Variants in KPNA3 observed in about 807,000 individuals in gnomAD.
KPNA3 encodes importin subunit alpha-4.
In KPNA3, 13 loss-of-function variants were observed where a neutral mutation model predicts 73.8. That is an observed-to-expected ratio of 0.18 (90% confidence interval 0.11 to 0.28). KPNA3 has a LOEUF of 0.28. Ranked by LOEUF, KPNA3 falls within the 10% of genes least tolerant of loss-of-function variation. The pLI is 1.00. For missense variants in KPNA3, 360 were observed against 618.1 expected, an observed-to-expected ratio of 0.58 and a Z score of 4.43; for synonymous variants, 186 against 206.9, an observed-to-expected ratio of 0.90 and a Z score of 0.87.
intron 2 of KPNA3, among the ~76,000 whole-genome samples, chr13:49,742,337 C>T (rs1179541848): frequency 1.3e-5 from 2 of 151,522 alleles, no homozygotes; most frequent in Non-Finnish European, 2.9e-5. Context: ...TACTATGGTT[C>T]GATTTCTGAA....
intron 12 of KPNA3, among the ~76,000 whole-genome samples, chr13:49,707,020 A>G (rs1336831790): frequency 6.6e-6 from 1 of 152,204 alleles, no homozygotes; most frequent in Non-Finnish European, 1.5e-5. Context: ...AAGTGCTGAG[A>G]TTACAGGCAT....
intron 1 of KPNA3, among the ~76,000 whole-genome samples, chr13:49,749,269 A>G (rs1954642661): frequency 6.6e-6 from 1 of 152,230 alleles, no homozygotes; most frequent in Admixed American, 6.5e-5. Context: ...AAACACCCCT[A>G]AACAGGAGTT....
At chr13:49,762,241 G>A (rs1177112002) in intron 1 of KPNA3, among the ~76,000 whole-genome samples, 1 of 150,228 alleles carries the variant, frequency 6.7e-6, no homozygotes. Flanking sequence ...GTCGCGGAGG[G>A]AGGAGGGGGG....
chr13:49,761,278 T>G lies in KPNA3; in HGVS notation c.70-14285A>C, dbSNP rs977726467. Among the ~76,000 whole-genome samples, 3 of 151,990 alleles carry G rather than the reference T, an allele frequency of 2.0e-5. No individual in the cohort carries two copies. The East Asian group carries it at 5.8e-4, about 29-fold the overall frequency. On this transcript the variant is annotated intron_variant, in intron 1 of 16. Transcript: ENST00000261667. ...CCTCTCCCTCTCCCCACGGTCTCCC[T>G]CTAATGGCGAGCCGAAGCTGGACTG... is the stretch of plus-strand genomic sequence containing the variant.
intron 1 of KPNA3, among the ~76,000 whole-genome samples, chr13:49,781,556 C>T (rs1594463862): frequency 6.6e-6 from 1 of 152,312 alleles, no homozygotes; most frequent in East Asian, 1.9e-4. Context: ...TTTTATCCCT[C>T]ACACTCAGTA....
chr13:49,717,384 C>T (rs9568312), intron 10 of KPNA3, among the ~76,000 whole-genome samples: 46,849 of 147,202 alleles, frequency 0.32, 7,608 homozygotes, highest in Middle Eastern at 0.38. Context: ...GAGCCTAGAT[C>T]GCGCCACTGC....
In KPNA3 at chr13:49,701,659, G is replaced by A. The variant is rs962208047; in HGVS notation, c.*141C>T. ...GACTTTTGGCAACTGCAAAGTGACT[G>A]AGACATGGCTTGCTTTAGAAGCATC... On this transcript the variant is annotated 3_prime_UTR_variant, in exon 17 of 17. Transcript: ENST00000261667. The A allele has an allele frequency of 1.3e-6, 1 of 770,294 alleles. No individual in the cohort carries two copies. The highest frequency in any genetic ancestry group is 2.4e-6 in the Non-Finnish European group (1 of 413,900). 47.7% of individuals were successfully genotyped at this position (770,294 alleles called of 1,614,324 possible).
At chr13:49,745,382 C>CA (rs1330172332) in intron 2 of KPNA3, among the ~76,000 whole-genome samples, 3 of 148,266 alleles carry the variant, frequency 2.0e-5, no homozygotes, top group African/African-American at 7.4e-5. Context: ...TTTTTTGAGA[C>CA]AGAGTCTCGC....
At chr13:49,788,497 A>G (rs958102200) in intron 1 of KPNA3, among the ~76,000 whole-genome samples, 1 of 152,142 alleles carries the variant, frequency 6.6e-6, no homozygotes, top group African/African-American at 2.4e-5. Context: ...AGGCAGGAGG[A>G]TAACTTGAGC....
At chr13:49,737,185 G>A (rs1332096548) in intron 2 of KPNA3, among the ~76,000 whole-genome samples, 1 of 152,158 alleles carries the variant, frequency 6.6e-6, no homozygotes, top group African/African-American at 2.4e-5. Context: ...GATTTCATAT[G>A]AATACAAATC....
intron 16 of KPNA3, 119 bp from the exon 17 acceptor site, chr13:49,702,017 A>T (rs1237081597): frequency 1.6e-6 from 1 of 643,378 alleles, no homozygotes; most frequent in African/African-American, 1.9e-5. Context: ...ACCAACTAAA[A>T]ATATTCGAGT....
intron 1 of KPNA3, among the ~76,000 whole-genome samples, chr13:49,783,561 G>T (rs1954957811): frequency 6.6e-6 from 1 of 152,086 alleles, no homozygotes; most frequent in South Asian, 2.1e-4. Flanking sequence ...GTTACAAAGG[G>T]CCAGCTGTAC....
Position 49,700,511 on chromosome 13 carries a change from A to T in KPNA3, c.*1289T>A, listed in dbSNP as rs1294472761. On this transcript the variant is annotated 3_prime_UTR_variant, in exon 17 of 17. Transcript: ENST00000261667. ...GACATAGTAATACCGGATTTTGCAG[A>T]ATTACTTAGAGATCACTGCAAATCA... 3 of 152,684 alleles carry T rather than the reference A, an allele frequency of 2.0e-5. No homozygotes were observed. The highest frequency in any genetic ancestry group is 4.4e-5 in the Non-Finnish European group (3 of 68,036). The allele number at this position is 152,684 out of a possible 1,614,324, so 9.5% of individuals were successfully genotyped here.
At chr13:49,713,786 C>G (rs1292894996) in intron 10 of KPNA3, among the ~76,000 whole-genome samples, 1 of 152,182 alleles carries the variant, frequency 6.6e-6, no homozygotes, top group Non-Finnish European at 1.5e-5. Context: ...TCTCTGCAAT[C>G]TCTGCCTCCT....
chr13:49,721,901 G>C, intron 9 of KPNA3, 54 bp downstream of exon 9: 1 of 1,228,630 alleles, frequency 8.1e-7, no homozygotes, highest in East Asian at 2.5e-5. Flanking sequence ...ATGAATTCCT[G>C]AAGTACAAAC....
intron 1 of KPNA3, among the ~76,000 whole-genome samples, chr13:49,747,381 G>GT (rs1031280906): frequency 6.6e-6 from 1 of 151,098 alleles, no homozygotes; most frequent in Non-Finnish European, 1.5e-5. Flanking sequence ...AAAAACTCAG[G>GT]TATTTGAGTT....
At chr13:49,776,518 G>C (rs1954899107) in intron 1 of KPNA3, among the ~76,000 whole-genome samples, 1 of 152,062 alleles carries the variant, frequency 6.6e-6, no homozygotes, top group African/African-American at 2.4e-5. Flanking sequence ...TAATATCTGT[G>C]AATCTATCTG....
In KPNA3 at chr13:49,737,526, CTGTTT is replaced by C. The variant is rs777535441; in HGVS notation, c.115-4485_115-4481del. On this transcript the variant is annotated intron_variant, in intron 2 of 16. Coordinates refer to ENST00000261667, the MANE Select transcript of KPNA3 (RefSeq NM_002267.4). ...ACTCTTCACATCTTTTTAAATTAGA[CTGTTT>C]TGTTTTTTCTTACTATTAAGTGTGT... is the stretch of plus-strand genomic sequence containing the variant. 7.6e-3 allele frequency among the ~76,000 whole-genome samples: 1,146 copies of C among 150,878 alleles called. 10 individuals carry two copies. Among genetic ancestry groups the C allele is most frequent in the Non-Finnish European group, 0.012 (832 of 67,810 alleles).
chr13:49,791,020 G>A (rs772795061), intron 1 of KPNA3, among the ~76,000 whole-genome samples: 1 of 152,190 alleles, frequency 6.6e-6, no homozygotes, highest in Non-Finnish European at 1.5e-5. Flanking sequence ...CTTTCGCTTA[G>A]ATGTATTTCT....
Sources: allele counts gnomAD v4.1 joint callset (sites outside exome capture counted in the v4.1 genomes callset), GRCh38; gene constraint gnomAD v4.1.1; transcripts MANE v1.5; gene names NCBI Gene and HGNC (gene_info 2026-07-23, HGNC 2026-07-21).